ZNF544: variants seen among roughly 807,000 people sequenced by gnomAD.
ZNF544 encodes the protein zinc finger protein AF020591.
ZNF544 carries 10 observed loss-of-function variants against 13.5 expected under a neutral mutation model. That is an observed-to-expected ratio of 0.74 (90% CI 0.46 to 1.25). The LOEUF (loss-of-function observed/expected upper bound fraction) is 1.25. Ranked by LOEUF, ZNF544 falls within the 50% of genes most tolerant of loss-of-function variation. ZNF544 has a pLI of 0.00. For missense variants in ZNF544, 896 were observed against 845.6 expected (o/e 1.06, Z -0.74); for synonymous variants, 323 against 300.5 (o/e 1.07, Z -0.77).
chr19:58,264,891 C>T (rs985035660), downstream of ZNF544, among the ~76,000 whole-genome samples: 2 of 152,026 alleles, frequency 1.3e-5, no homozygotes, highest in Non-Finnish European at 2.9e-5. Context: ...GTAGTCCCAG[C>T]TACTCAGGAG....
chr19:58,232,018 T>G lies in ZNF544; in HGVS notation c.-60+1556T>G, dbSNP rs368027594. Among the ~76,000 whole-genome samples, 19 of 152,148 alleles carry G rather than the reference T, an allele frequency of 1.2e-4. No homozygotes were observed. In the South Asian group the frequency reaches 3.9e-3, roughly 32 times the overall value. On this transcript the variant is annotated intron_variant, in intron 3 of 6. Transcript: ENST00000687789. ...GCCACGCCCAGCTAATTTTTTTTTT[T>G]TTTAGTATAGACAGGGTTTCTCCAT...
chr19:58,244,094 C>A, intron 4 of ZNF544, 38 bp downstream of exon 4: 1 of 1,578,046 alleles, frequency 6.3e-7, no homozygotes, highest in Non-Finnish European at 8.7e-7. Context: ...CCTTGGTCTC[C>A]ATAGATGTAA....
At chr19:58,269,035 G>C (rs2050278723), downstream of ZNF544, among the ~76,000 whole-genome samples, 1 of 152,190 alleles carries the variant, frequency 6.6e-6, no homozygotes, top group South Asian at 2.1e-4. Context: ...GTAAGAAAAA[G>C]AAAGGGAAAC....
intron 5 of ZNF544, among the ~76,000 whole-genome samples, chr19:58,271,105 A>T (rs1416102527): frequency 3.3e-5 from 5 of 151,808 alleles, no homozygotes; most frequent in African/African-American, 9.7e-5. Context: ...CCAGCTACTC[A>T]GGAGGCTGAG....
At chr19:58,255,218 C>T (rs1215943252) in intron 6 of ZNF544, among the ~76,000 whole-genome samples, 1 of 150,768 alleles carries the variant, frequency 6.6e-6, no homozygotes, top group Non-Finnish European at 1.5e-5. Flanking sequence ...GTTGCCCAGG[C>T]TGGCTGGAGT....
chr19:58,237,920 ACGT>A (rs1398382869), intron 3 of ZNF544, among the ~76,000 whole-genome samples: 1 of 152,156 alleles, frequency 6.6e-6, no homozygotes, highest in African/African-American at 2.4e-5. Context: ...AGACTGACAG[ACGT>A]CACAAGGTCT....
Position 58,262,175 on chromosome 19 carries a change from C to T in ZNF544, c.1569C>T (p.Asn523=), listed in dbSNP as rs138820451. ...THTGEKPYEC[N]LCGKSFSQSS... ...CTGGAGAGAAGCCCTATGAGTGCAA[C>T]CTGTGTGGGAAATCCTTCTCCCAGA... The change falls in exon 7 of 7, where the codon AAC becomes AAT. Residue 523 remains asparagine (N), a synonymous_variant. Transcript: ENST00000687789. 2.5e-6 allele frequency: 4 copies of T among 1,613,416 alleles called. No homozygotes were observed. Among genetic ancestry groups the T allele is most frequent in the South Asian group, 1.1e-5 (1 of 91,044 alleles).
At chr19:58,263,662 T>A, downstream of ZNF544, 13 of 861,050 alleles carry the variant, frequency 1.5e-5, no homozygotes, top group Non-Finnish European at 1.8e-5. Flanking sequence ...GTCTGCAGTT[T>A]CTAAAATCAC....
At chr19:58,255,365 G>A (rs1354442780) in intron 6 of ZNF544, among the ~76,000 whole-genome samples, 10 of 152,134 alleles carry the variant, frequency 6.6e-5, no homozygotes, top group African/African-American at 2.4e-4. Flanking sequence ...TTTTAGTAGA[G>A]CTGTGGTTTC....
chr19:58,266,665 G>C (rs540332671), downstream of ZNF544: 2 of 152,090 alleles, frequency 1.3e-5, no homozygotes, highest in African/African-American at 2.4e-5. Flanking sequence ...CCAGAAAGTG[G>C]GTTAATCGAA....
At chr19:58,270,127 T>C (rs2050447097) in intron 5 of ZNF544, among the ~76,000 whole-genome samples, 1 of 152,218 alleles carries the variant, frequency 6.6e-6, no homozygotes, top group Non-Finnish European at 1.5e-5. Context: ...TTATAGTTCC[T>C]ATGTGAAGGT....
downstream of ZNF544, among the ~76,000 whole-genome samples, chr19:58,266,293 T>C (rs935519206): frequency 2.6e-4 from 30 of 116,876 alleles, no homozygotes; most frequent in Non-Finnish European, 2.9e-4. Context: ...CCAAGGAGGG[T>C]GGATCACGAG....
intron 5 of ZNF544, 77 bp from the exon 6 acceptor site, chr19:58,246,634 G>T: frequency 6.4e-7 from 1 of 1,555,880 alleles, no homozygotes; most frequent in Non-Finnish European, 8.8e-7. Context: ...GACAGCACTA[G>T]GGGCTGAAGC....
At chr19:58,246,159 A>G in intron 4 of ZNF544, 142 bp from the exon 5 acceptor site, 1 of 1,134,740 alleles carries the variant, frequency 8.8e-7, no homozygotes, top group Non-Finnish European at 1.3e-6. Flanking sequence ...TAAAGACCCC[A>G]CCTCTTAACA....
intron 6 of ZNF544, among the ~76,000 whole-genome samples, chr19:58,255,854 A>G (rs1197253205): frequency 6.6e-6 from 1 of 152,172 alleles, no homozygotes; most frequent in Non-Finnish European, 1.5e-5. Context: ...AGCTATCCCC[A>G]TTTACGCCTT....
intron 3 of ZNF544, among the ~76,000 whole-genome samples, chr19:58,242,049 G>A (rs982145190): frequency 1.2e-4 from 19 of 152,262 alleles, no homozygotes; most frequent in African/African-American, 4.6e-4. Context: ...CTAGAGGGGA[G>A]AGTATTCCTG....
intron 6 of ZNF544, chr19:58,251,168 T>C (rs1318382171): frequency 1.4e-5 from 5 of 346,456 alleles, no homozygotes; most frequent in African/African-American, 2.1e-5. Flanking sequence ...AAGGAAGTTA[T>C]TCCATTTGTT....
chr19:58,266,212 CAAAAAAAAAA>C (rs760851818), downstream of ZNF544, among the ~76,000 whole-genome samples: 59 of 46,204 alleles, frequency 1.3e-3, 2 homozygotes, highest in African/African-American at 5.2e-3. Flanking sequence ...GACTCTGTCT[CAAAAAAAAAA>C]AAAAAAAAAA....
At chr19:58,266,960 T>TA (rs1343792455), downstream of ZNF544, 3 of 152,250 alleles carry the variant, frequency 2.0e-5, no homozygotes, top group Non-Finnish European at 4.4e-5. Flanking sequence ...TGCTTTCTGA[T>TA]AGTCTCTTCA....
Sources: gnomAD v4.1 joint callset for allele counts (sites outside exome capture counted in the v4.1 genomes callset) on GRCh38, gnomAD v4.1.1 for gene constraint, MANE v1.5 for transcripts, NCBI Gene and HGNC (gene_info 2026-07-23, HGNC 2026-07-21) for gene names.